Variants in NRXN1 observed in about 807,000 individuals in gnomAD.
NRXN1 encodes neurexin-1.
Under a neutral mutation model 150.9 loss-of-function variants are expected in NRXN1, and 39 were observed. The observed-to-expected ratio is 0.26, with a 90% CI of 0.20 to 0.34. The LOEUF is 0.34. Ranked by LOEUF, NRXN1 falls within the 10% of genes least tolerant of loss-of-function variation. The pLI is 1.00. For missense variants in NRXN1, 1,815 were observed against 1,949.9 expected (o/e 0.93, Z 1.30); for synonymous variants, 924 against 757.0 (o/e 1.22, Z -3.62).
chr2:50,716,980 T>A (rs895761666), intron 5 of NRXN1, among the ~76,000 whole-genome samples: 2 of 152,156 alleles, frequency 1.3e-5, no homozygotes, highest in Non-Finnish European at 2.9e-5. Context: ...ACATGCAAAG[T>A]ACCATTTTTA....
chr2:50,568,369 G>GGA (rs2105441171), intron 8 of NRXN1, among the ~76,000 whole-genome samples: 1 of 152,112 alleles, frequency 6.6e-6, no homozygotes, highest in Admixed American at 6.5e-5. Flanking sequence ...CCACAGAATG[G>GGA]GAGACGATAT....
chr2:50,781,684 A>G (rs1271714538), intron 5 of NRXN1, among the ~76,000 whole-genome samples: 1 of 152,246 alleles, frequency 6.6e-6, no homozygotes, highest in Non-Finnish European at 1.5e-5. Flanking sequence ...TTTATAAAGC[A>G]ATTCTCTACA....
At chr2:50,109,942 G>A (rs1702159065) in intron 18 of NRXN1, among the ~76,000 whole-genome samples, 1 of 152,118 alleles carries the variant, frequency 6.6e-6, no homozygotes, top group Admixed American at 6.5e-5. Flanking sequence ...TATATTCTGT[G>A]TGATTATATT....
At chr2:50,868,123 G>T (rs1242408562) in intron 5 of NRXN1, among the ~76,000 whole-genome samples, 1 of 115,686 alleles carries the variant, frequency 8.6e-6, no homozygotes, top group Non-Finnish European at 1.8e-5. Flanking sequence ...ATCACTGGAT[G>T]AATGGATAAA....
chr2:50,599,639 G>A (rs1675913182), intron 8 of NRXN1, among the ~76,000 whole-genome samples: 3 of 152,230 alleles, frequency 2.0e-5, no homozygotes, highest in East Asian at 1.9e-4. Flanking sequence ...AATTATATAA[G>A]TCAATATCCC....
chr2:50,860,233 T>C (rs973717018), intron 5 of NRXN1, among the ~76,000 whole-genome samples: 4 of 151,686 alleles, frequency 2.6e-5, no homozygotes, highest in African/African-American at 9.7e-5. Context: ...ACCACTGTCC[T>C]GACATAAACA....
chr2:50,003,869 T>A (rs1684336864), intron 21 of NRXN1, among the ~76,000 whole-genome samples: 1 of 152,100 alleles, frequency 6.6e-6, no homozygotes. Context: ...TCATTCCAGA[T>A]AGAAATATCA....
chr2:51,005,602 C>G (rs965414280), intron 2 of NRXN1, among the ~76,000 whole-genome samples: 1 of 151,674 alleles, frequency 6.6e-6, no homozygotes, highest in African/African-American at 2.4e-5. Flanking sequence ...TGAAAACATG[C>G]AAGACTATAA....
At chr2:50,495,031 CAAAAA>C (rs557134128) in intron 15 of NRXN1, among the ~76,000 whole-genome samples, 3 of 80,372 alleles carry the variant, frequency 3.7e-5, no homozygotes, top group Non-Finnish European at 5.4e-5. Flanking sequence ...ACTCTGTCTC[CAAAAA>C]AAAAAAAAAA....
intron 21 of NRXN1, among the ~76,000 whole-genome samples, chr2:49,953,163 T>C (rs1674281635): frequency 6.6e-6 from 1 of 152,258 alleles, no homozygotes; most frequent in Non-Finnish European, 1.5e-5. Context: ...GCTTGGAGTA[T>C]AGAACAGCAA....
At position 50,898,921 on chromosome 2, in the gene NRXN1, G is replaced by T. The variant is rs76450924; in HGVS notation, c.832+22948C>A. Among the ~76,000 whole-genome samples the T allele has an allele frequency of 9.0e-3, 1,355 of 151,278 alleles. 26 individuals are homozygous for T. The East Asian group carries it at 0.097, about 11-fold the overall frequency. On this transcript the variant is annotated intron_variant, in intron 5 of 22. Coordinates refer to ENST00000401669, the MANE Select transcript of NRXN1 (RefSeq NM_001330078.2). ...TTGAATGTAGTACCTATTCTGGAAAGCAAATTCAGGATTCTTGCCGACAGA... is the reference window on the plus strand; with the variant it reads ...TTGAATGTAGTACCTATTCTGGAAATCAAATTCAGGATTCTTGCCGACAGA...
chr2:50,588,981 A>G (rs983697864), intron 8 of NRXN1: 1 of 152,154 alleles, frequency 6.6e-6, no homozygotes, highest in African/African-American at 2.4e-5. Context: ...ATATACCCGA[A>G]TGGTTCTTTT....
At chr2:50,650,100 G>A (rs1685391030) in intron 5 of NRXN1, among the ~76,000 whole-genome samples, 2 of 151,948 alleles carry the variant, frequency 1.3e-5, no homozygotes, top group Non-Finnish European at 2.9e-5. Flanking sequence ...CTGTCCTCTG[G>A]GTTTGCAGAT....
intron 5 of NRXN1, among the ~76,000 whole-genome samples, chr2:50,867,558 C>T (rs879389164): frequency 6.6e-6 from 1 of 151,782 alleles, no homozygotes; most frequent in Non-Finnish European, 1.5e-5. Context: ...ACCAGAATGA[C>T]TTTAAAACCT....
intron 5 of NRXN1, among the ~76,000 whole-genome samples, chr2:50,790,759 G>A (rs1178197068): frequency 6.6e-6 from 1 of 152,054 alleles, no homozygotes; most frequent in Non-Finnish European, 1.5e-5. Context: ...TGGGAAATCT[G>A]GGCATGAGCA....
chr2:50,717,774 G>C (rs1696056250), intron 5 of NRXN1, among the ~76,000 whole-genome samples: 1 of 152,080 alleles, frequency 6.6e-6, no homozygotes, highest in Admixed American at 6.6e-5. Flanking sequence ...TTCACAGGTG[G>C]CACTCTTTTT....
At chr2:50,370,367 T>A (rs1308164462) in intron 17 of NRXN1, among the ~76,000 whole-genome samples, 1 of 152,020 alleles carries the variant, frequency 6.6e-6, no homozygotes, top group Non-Finnish European at 1.5e-5. Context: ...GGAATCTGCA[T>A]TCTTAACAAG....
At chr2:50,529,285 G>C (rs1309538935) in intron 11 of NRXN1, among the ~76,000 whole-genome samples, 2 of 152,196 alleles carry the variant, frequency 1.3e-5, no homozygotes, top group Non-Finnish European at 2.9e-5. Flanking sequence ...AGAAACTCCA[G>C]TGGCTAAGGA....
intron 2 of NRXN1, among the ~76,000 whole-genome samples, chr2:50,951,166 G>A (rs1691264942): frequency 6.6e-6 from 1 of 152,188 alleles, no homozygotes; most frequent in African/African-American, 2.4e-5. Context: ...ATAATTCCTT[G>A]GAGATGTGCC....
Sources: allele counts gnomAD v4.1 joint callset (sites outside exome capture counted in the v4.1 genomes callset), GRCh38; gene constraint gnomAD v4.1.1; transcripts MANE v1.5; gene names NCBI Gene and HGNC (gene_info 2026-07-23, HGNC 2026-07-21).